The following FAM168A variants were observed in gnomAD, a reference collection of about 807,000 sequenced individuals.
The protein encoded by FAM168A is family with sequence similarity 168 member A, also known as protein FAM168A.
FAM168A carries 3 observed loss-of-function variants against 28.5 expected under a neutral mutation model. The ratio of observed to expected loss-of-function variants is 0.11; its 90% confidence interval spans 0.05 to 0.27. The LOEUF is 0.27. Among genes scored for constraint, FAM168A ranks in the 10% least tolerant of loss-of-function variants. FAM168A has a pLI of 1.00. For synonymous variants in FAM168A, 122 were observed against 124.2 expected, an observed-to-expected ratio of 0.98 and a Z score of 0.12; for missense variants, 222 against 311.5, an observed-to-expected ratio of 0.71 and a Z score of 2.16.
intron 1 of FAM168A, among the ~76,000 whole-genome samples, chr11:73,515,738 G>A (rs1943295494): frequency 6.6e-6 from 1 of 152,062 alleles, no homozygotes; most frequent in Non-Finnish European, 1.5e-5. Flanking sequence ...TAGAAAGAAT[G>A]AGGTTGAGGA....
intron 1 of FAM168A, among the ~76,000 whole-genome samples, chr11:73,505,777 T>C (rs377187962): frequency 2.6e-4 from 39 of 152,150 alleles, no homozygotes; most frequent in African/African-American, 8.9e-4. Context: ...ATGGGAGAAC[T>C]GAGTCTCAGA....
intron 2 of FAM168A, among the ~76,000 whole-genome samples, chr11:73,459,613 C>A (rs1867606702): frequency 6.6e-6 from 1 of 152,064 alleles, no homozygotes; most frequent in Admixed American, 6.6e-5. Flanking sequence ...TCAAAATGAG[C>A]TAGCCTAAGG....
chr11:73,435,213 A>G (rs1176032742), intron 2 of FAM168A, among the ~76,000 whole-genome samples: 1 of 152,228 alleles, frequency 6.6e-6, no homozygotes, highest in African/African-American at 2.4e-5. Context: ...TGATTTTAGA[A>G]CTGAGGTAGC....
intron 1 of FAM168A, among the ~76,000 whole-genome samples, chr11:73,486,339 C>T (rs1302617440): frequency 6.6e-6 from 1 of 152,172 alleles, no homozygotes; most frequent in African/African-American, 2.4e-5. Flanking sequence ...CTGGACTCTT[C>T]ATACCCATTA....
chr11:73,511,314 G>A (rs146577100), intron 1 of FAM168A, among the ~76,000 whole-genome samples: 2,413 of 151,782 alleles, frequency 0.016, 62 homozygotes, highest in African/African-American at 0.056. Flanking sequence ...TCAGCTCACT[G>A]CAAGCTCTGC....
chr11:73,566,506 C>G (rs376978794), intron 1 of FAM168A, among the ~76,000 whole-genome samples: 1 of 152,200 alleles, frequency 6.6e-6, no homozygotes, highest in Non-Finnish European at 1.5e-5. Flanking sequence ...GACAATTAAG[C>G]ATCCATTTGT....
chr11:73,436,935 T>G (rs967317890), intron 2 of FAM168A, among the ~76,000 whole-genome samples: 1 of 152,216 alleles, frequency 6.6e-6, no homozygotes, highest in Non-Finnish European at 1.5e-5. Context: ...CAACTACTGT[T>G]TCCACTCAGT....
intron 1 of FAM168A, among the ~76,000 whole-genome samples, chr11:73,515,929 C>T (rs990742717): frequency 2.0e-5 from 3 of 151,842 alleles, no homozygotes; most frequent in East Asian, 1.9e-4. Flanking sequence ...GGTGAAACCC[C>T]GTCTCTACGA....
In FAM168A at chr11:73,430,481, C is replaced by A; in HGVS notation, c.151+209G>T. ...TAGGACAGATGAGCCAACCTTAAGT[C>A]CCAGACAGAGTGGAGGAGATTCTAT... On this transcript the variant is annotated intron_variant, in intron 3 of 7. Coordinates refer to ENST00000356467, the MANE Select transcript of FAM168A (RefSeq NM_015159.3). 6 of 528,496 alleles carry A rather than the reference C, an allele frequency of 1.1e-5. No individual in the cohort carries two copies. The South Asian group carries it at 1.2e-4, about 10-fold the overall frequency. The allele number at this position is 528,496 out of a possible 1,614,324, so 32.7% of individuals were successfully genotyped here.
At chr11:73,457,743 A>G (rs1867565572) in intron 2 of FAM168A, among the ~76,000 whole-genome samples, 5 of 137,178 alleles carry the variant, frequency 3.6e-5, no homozygotes, top group African/African-American at 1.3e-4. Flanking sequence ...AAAAAAAAAA[A>G]AAAAAAAGAA....
chr11:73,498,945 G>A (rs1854946778), intron 1 of FAM168A, among the ~76,000 whole-genome samples: 1 of 152,154 alleles, frequency 6.6e-6, no homozygotes, highest in Admixed American at 6.5e-5. Flanking sequence ...TGGTAGTTCT[G>A]AGGAATCTGG....
At chr11:73,480,767 C>T (rs1464548454) in intron 1 of FAM168A, among the ~76,000 whole-genome samples, 1 of 152,160 alleles carries the variant, frequency 6.6e-6, no homozygotes, top group African/African-American at 2.4e-5. Flanking sequence ...TGTTCAAGGT[C>T]CCATAGATAG....
intron 3 of FAM168A, among the ~76,000 whole-genome samples, chr11:73,426,668 T>C (rs1158018616): frequency 6.6e-6 from 1 of 151,800 alleles, no homozygotes; most frequent in Admixed American, 6.6e-5. Flanking sequence ...TGTGTGTGTG[T>C]GTATGTGTGT....
chr11:73,451,852 G>GT (rs1454055057), intron 2 of FAM168A, among the ~76,000 whole-genome samples: 1 of 152,234 alleles, frequency 6.6e-6, no homozygotes, highest in East Asian at 1.9e-4. Context: ...GTCCATGAGT[G>GT]TAAGTTAACT....
At chr11:73,453,821 C>A (rs979452198) in intron 2 of FAM168A, among the ~76,000 whole-genome samples, 1 of 152,204 alleles carries the variant, frequency 6.6e-6, no homozygotes, top group Non-Finnish European at 1.5e-5. Flanking sequence ...CTCTTCCAGT[C>A]CTGTGTCAAC....
chr11:73,587,291 G>T (rs1944326520), intron 1 of FAM168A, among the ~76,000 whole-genome samples: 1 of 151,940 alleles, frequency 6.6e-6, no homozygotes, highest in African/African-American at 2.4e-5. Context: ...AGGAGTTCGA[G>T]ACCAGCCTGG....
intron 2 of FAM168A, among the ~76,000 whole-genome samples, chr11:73,436,884 T>A (rs1219422420): frequency 1.3e-5 from 2 of 152,166 alleles, no homozygotes; most frequent in Non-Finnish European, 2.9e-5. Context: ...GAGAGTCAAT[T>A]TGGTCAAAGA....
intron 1 of FAM168A, among the ~76,000 whole-genome samples, chr11:73,558,469 T>TAA (rs367874557): frequency 1.2e-3 from 93 of 75,424 alleles, no homozygotes; most frequent in Non-Finnish European, 1.9e-3. Context: ...ACCCTGTCTC[T>TAA]AAAAAAAAAA....
At chr11:73,503,732 C>T (rs757472078) in intron 1 of FAM168A, among the ~76,000 whole-genome samples, 9 of 152,234 alleles carry the variant, frequency 5.9e-5, no homozygotes, top group Non-Finnish European at 1.2e-4. Context: ...AGGCATCATG[C>T]TACTATACTA....
Sources: allele counts gnomAD v4.1 joint callset (sites outside exome capture counted in the v4.1 genomes callset), GRCh38; gene constraint gnomAD v4.1.1; transcripts MANE v1.5; gene names NCBI Gene and HGNC (gene_info 2026-07-23, HGNC 2026-07-21).